Variants in SNRPN observed in about 807,000 individuals in gnomAD.
The protein encoded by SNRPN is small nuclear ribonucleoprotein-associated protein N.
Under a neutral mutation model 25.2 loss-of-function variants are expected in SNRPN, and 7 were observed. The ratio of observed to expected loss-of-function variants is 0.28; its 90% CI spans 0.16 to 0.52. The LOEUF (loss-of-function observed/expected upper bound fraction) is 0.52, where lower values mean the gene tolerates loss of function less well. Among genes scored for constraint, SNRPN ranks in the 20% least tolerant of loss-of-function variants. SNRPN has a pLI of 0.96. For synonymous variants in SNRPN, 124 were observed against 110.6 expected (o/e 1.12, Z -0.76); for missense variants, 196 against 322.5 (o/e 0.61, Z 3.00).
intron 3 of SNRPN, among the ~76,000 whole-genome samples, chr15:24,971,383 T>C (rs942364589): frequency 1.3e-5 from 2 of 152,190 alleles, no homozygotes; most frequent in Non-Finnish European, 2.9e-5. Context: ...TACAAGGTCA[T>C]GACTACATTG....
chr15:24,885,741 T>TGTGTGA (rs2150035986), intron 1 of SNRPN, among the ~76,000 whole-genome samples: 1 of 151,960 alleles, frequency 6.6e-6, no homozygotes, highest in African/African-American at 2.4e-5. Context: ...TGTGTGTGTG[T>TGTGTGA]GTGTGTGTGT....
At chr15:24,845,986 A>G (rs544793952) in intron 2 of SNRPN, among the ~76,000 whole-genome samples, 4 of 151,994 alleles carry the variant, frequency 2.6e-5, no homozygotes, top group South Asian at 4.2e-4. Flanking sequence ...TCAGGAGGCT[A>G]AGGCAGGAGA....
At chr15:24,838,973 A>C (rs1037304287) in intron 2 of SNRPN, among the ~76,000 whole-genome samples, 19 of 151,970 alleles carry the variant, frequency 1.3e-4, no homozygotes, top group African/African-American at 7.3e-5. Context: ...AAGAACATGC[A>C]CTTTGAAGAG....
At chr15:24,965,878 T>G (rs992889643) in intron 2 of SNRPN, among the ~76,000 whole-genome samples, 1 of 152,194 alleles carries the variant, frequency 6.6e-6, no homozygotes, top group African/African-American at 2.4e-5. Flanking sequence ...TATATTTTTT[T>G]TTACTGAAAC....
chr15:24,977,055 A>G (rs2077136027), intron 7 of SNRPN, 26 bp downstream of exon 7: 2 of 1,531,808 alleles, frequency 1.3e-6, no homozygotes, highest in Non-Finnish European at 1.8e-6. Flanking sequence ...AGGGTTTTAT[A>G]TTATTGGGAG....
chr15:24,890,285 A>T (rs982648537), intron 2 of SNRPN, among the ~76,000 whole-genome samples: 11 of 152,076 alleles, frequency 7.2e-5, no homozygotes, highest in African/African-American at 2.7e-4. Flanking sequence ...ACCAACAAAG[A>T]TCTGAACAAA....
chr15:24,880,867 G>A (rs2056510920), intron 1 of SNRPN, among the ~76,000 whole-genome samples: 1 of 151,848 alleles, frequency 6.6e-6, no homozygotes, highest in Non-Finnish European at 1.5e-5. Context: ...CCTCACTACC[G>A]GGTCTTACTA....
chr15:24,828,816 T>G (rs2050283500), intron 1 of SNRPN, among the ~76,000 whole-genome samples: 2 of 151,884 alleles, frequency 1.3e-5, no homozygotes, highest in South Asian at 2.1e-4. Context: ...GAAAAAAAAT[T>G]GTTCGTTTAA....
At chr15:24,856,439 A>G (rs866174109), upstream of SNRPN, 4 of 152,254 alleles carry the variant, frequency 2.6e-5, no homozygotes, top group Admixed American at 6.5e-5. Flanking sequence ...AGCAACCACC[A>G]GAGGTGGCAG....
chr15:24,900,667 T>C (rs1045537282), intron 2 of SNRPN, among the ~76,000 whole-genome samples: 1 of 152,148 alleles, frequency 6.6e-6, no homozygotes, highest in African/African-American at 2.4e-5. Flanking sequence ...AACAGCTACA[T>C]GCAAAAGGAA....
At chr15:24,858,291 G>T (rs1237067160) in intron 1 of SNRPN, among the ~76,000 whole-genome samples, 1 of 152,174 alleles carries the variant, frequency 6.6e-6, no homozygotes, top group South Asian at 2.1e-4. Context: ...TCCTCCTGAA[G>T]TTCGCGGGGA....
intron 3 of SNRPN, among the ~76,000 whole-genome samples, chr15:24,921,671 T>C (rs1412120592): frequency 6.6e-6 from 1 of 152,068 alleles, no homozygotes; most frequent in Admixed American, 6.5e-5. Flanking sequence ...GGGTTCTTGG[T>C]TTGAATTTGC....
In SNRPN at chr15:24,955,019, G is replaced by T. The variant is rs199920294; in HGVS notation, c.-434G>T. 14 of 1,612,164 alleles carry T rather than the reference G, an allele frequency of 8.7e-6. No individual in the cohort carries two copies. In the African/African-American group the frequency reaches 1.7e-4, roughly 20 times the overall value. On this transcript the variant is annotated 5_prime_UTR_variant, in exon 1 of 10. Coordinates refer to ENST00000390687, the MANE Select transcript of SNRPN (RefSeq NM_003097.6). Reference sequence around the variant, plus strand: ...GGAGCGGCCGCCGGAGATGCCTGACGCATCTGTCTGAGGAGCGGTCAGTGA... The same window carrying T: ...GGAGCGGCCGCCGGAGATGCCTGACTCATCTGTCTGAGGAGCGGTCAGTGA...
chr15:24,894,690 G>T (rs2057959238), intron 2 of SNRPN, among the ~76,000 whole-genome samples: 2 of 152,294 alleles, frequency 1.3e-5, no homozygotes, highest in Admixed American at 1.3e-4. Context: ...GAAAATAAGG[G>T]ACAAGGAGTT....
chr15:24,931,838 C>CAAAAAAAAA (rs71127026), intron 3 of SNRPN, among the ~76,000 whole-genome samples: 1 of 42,980 alleles, frequency 2.3e-5, no homozygotes, highest in Non-Finnish European at 3.6e-5. Flanking sequence ...GAACCTGTCT[C>CAAAAAAAAA]AAAAAAAAAA....
At chr15:24,962,446 T>C (rs1233533339) in intron 2 of SNRPN, among the ~76,000 whole-genome samples, 3 of 152,226 alleles carry the variant, frequency 2.0e-5, no homozygotes, top group Non-Finnish European at 2.9e-5. Flanking sequence ...GTGCATTTTA[T>C]CTTTATAAAA....
intron 1 of SNRPN, among the ~76,000 whole-genome samples, chr15:24,883,207 C>T (rs1026821760): frequency 1.6e-4 from 25 of 152,326 alleles, no homozygotes; most frequent in African/African-American, 5.8e-4. Flanking sequence ...CAGAAACCAG[C>T]GGCTTTGCAG....
At chr15:24,836,719 G>A (rs552322218) in intron 2 of SNRPN, among the ~76,000 whole-genome samples, 1 of 152,076 alleles carries the variant, frequency 6.6e-6, no homozygotes, top group Non-Finnish European at 1.5e-5. Flanking sequence ...AGCCACAAAT[G>A]CATTTAATGT....
chr15:24,958,501 T>G (rs994157182), intron 1 of SNRPN, among the ~76,000 whole-genome samples: 4 of 134,296 alleles, frequency 3.0e-5, no homozygotes, highest in African/African-American at 8.6e-5. Context: ...TTTTTTTTTT[T>G]TTTTTTTTTT....
Sources: allele counts gnomAD v4.1 joint callset (sites outside exome capture counted in the v4.1 genomes callset), GRCh38; gene constraint gnomAD v4.1.1; transcripts MANE v1.5; gene names NCBI Gene and HGNC (gene_info 2026-07-23, HGNC 2026-07-21).